ACO2: variants seen among roughly 807,000 people sequenced by gnomAD.
ACO2 encodes the protein aconitase 2, also known as aconitate hydratase, mitochondrial.
In ACO2, 31 loss-of-function variants were observed where a neutral mutation model predicts 84.5. The ratio of observed to expected loss-of-function variants is 0.37; its 90% CI spans 0.28 to 0.50. The LOEUF is 0.50. Among genes scored for constraint, ACO2 ranks in the 20% least tolerant of loss-of-function variants. The pLI, the probability that ACO2 is intolerant of heterozygous loss-of-function variation, is 0.97. For missense variants in ACO2, 685 were observed against 1,029.3 expected, an observed-to-expected ratio of 0.67 and a Z score of 4.58; for synonymous variants, 414 against 412.7, an observed-to-expected ratio of 1.00 and a Z score of -0.04.
rs1849901294 is a variant in ACO2 at position 41,471,813 on chromosome 22, A to C, written c.36+2631A>C. Among the ~76,000 whole-genome samples, 7 of 152,282 alleles carry C rather than the reference A, an allele frequency of 4.6e-5. 1 individual carries two copies. In the South Asian group the frequency reaches 1.5e-3, roughly 32 times the overall value. ...CTATTAGCCTGATTTATAGATGAAG[A>C]AACAGGATTAGAGAGCAAACATAGT... is the stretch of plus-strand genomic sequence containing the variant. On this transcript the variant is annotated intron_variant, in intron 1 of 17. Transcript: ENST00000216254.
At chr22:41,470,528 C>CTTTTTTTTTTTTTTTTTTTTTTTTTTTTT (rs71184811) in intron 1 of ACO2, among the ~76,000 whole-genome samples, 1 of 95,858 alleles carries the variant, frequency 1.0e-5, no homozygotes, top group Admixed American at 1.3e-4. Context: ...CTCTTTACAT[C>CTTTTTTTTTTTTTTTTTTTTTTTTTTTTT]TTTTTTTTTT....
At position 41,515,339 on chromosome 22, in the gene ACO2, G is replaced by C. The variant is rs749319369; in HGVS notation, c.526-38G>C. 6.2e-7 allele frequency: 1 copy of C among 1,611,642 alleles called. No homozygotes were observed. Among genetic ancestry groups the C allele is most frequent in the Non-Finnish European group, 8.5e-7 (1 of 1,179,668 alleles). ...GGGCCATTTTTTGGTATTCTCGGCTGAGGGCTTCTAAATATAACATCTTGG... is the reference window on the plus strand; with the variant it reads ...GGGCCATTTTTTGGTATTCTCGGCTCAGGGCTTCTAAATATAACATCTTGG... On this transcript the variant is annotated intron_variant, in intron 4 of 17. Coordinates refer to ENST00000216254, the MANE Select transcript of ACO2 (RefSeq NM_001098.3). This position sits in a 1 kb window ranked among gnomAD's most constrained non-coding sequence, Gnocchi z 5.8.
chr22:41,480,204 G>A, intron 1 of ACO2, among the ~76,000 whole-genome samples: 1 of 152,230 alleles, frequency 6.6e-6, no homozygotes, highest in East Asian at 1.9e-4. Context: ...GTGCATTCCT[G>A]TGTTGCCCAC....
intron 4 of ACO2, among the ~76,000 whole-genome samples, chr22:41,514,437 G>A (rs1207193142): frequency 6.6e-6 from 1 of 152,246 alleles, no homozygotes; most frequent in African/African-American, 2.4e-5. Context: ...ACGATTGTTA[G>A]CTATTTCTTG....
intron 1 of ACO2, among the ~76,000 whole-genome samples, chr22:41,497,212 G>A (rs927765836): frequency 6.6e-6 from 1 of 151,934 alleles, no homozygotes; most frequent in Non-Finnish European, 1.5e-5. Context: ...GGGATTATAG[G>A]TGCCCGCCAC....
rs938453037 is a variant in ACO2, at chr22:41,515,133, T to C, written c.526-244T>C. Among the ~76,000 whole-genome samples the C allele has an allele frequency of 3.9e-5, 6 of 152,304 alleles. 1 individual carries two copies. The highest frequency in any genetic ancestry group is 7.4e-5 in the Non-Finnish European group (5 of 68,020). On this transcript the variant is annotated intron_variant, in intron 4 of 17. Transcript: ENST00000216254. The surrounding 1 kb of genome is among the most constrained non-coding windows in gnomAD (Gnocchi z 5.8). ...GAGGAAACTGAGGCATGGGGCAGCA[T>C]TCAAAGGCCCAAGACATATAGCAGG...
chr22:41,522,688 C>A, intron 9 of ACO2, 142 bp from the exon 10 acceptor site: 1 of 866,264 alleles, frequency 1.2e-6, no homozygotes, highest in Non-Finnish European at 1.7e-6. Context: ...CGGTTGCTTG[C>A]AACTGGTCTC....
In ACO2 at chr22:41,507,944, G is replaced by A. The variant is rs377384540; in HGVS notation, c.327G>A (p.Gln109=). 8.1e-6 allele frequency: 13 copies of A among 1,614,130 alleles called. No homozygotes were observed. Among genetic ancestry groups the A allele is most frequent in the African/African-American group, 1.3e-5 (1 of 74,950 alleles). The change falls in exon 3 of 18, where the codon CAG becomes CAA. Residue 109 remains glutamine (Q), a synonymous_variant. Coordinates refer to ENST00000216254, the MANE Select transcript of ACO2 (RefSeq NM_001098.3). ...QDATAQMAML[Q]FISSGLSKVA... Reference sequence around the variant, plus strand: ...CGACGGCCCAGATGGCCATGCTCCAGTTCATCAGCAGCGGGCTGTCCAAGG... The same window carrying A: ...CGACGGCCCAGATGGCCATGCTCCAATTCATCAGCAGCGGGCTGTCCAAGG...
chr22:41,526,418 T>G lies in ACO2; in HGVS notation c.1918T>G (p.Phe640Val). 6.2e-7 allele frequency: 1 copy of G among 1,613,604 alleles called. No homozygotes were observed. Among genetic ancestry groups the G allele is most frequent in the Non-Finnish European group, 8.5e-7 (1 of 1,179,848 alleles). ...NSVRNAVTQE[F>V]GPVPDTARYY... The stretch of plus-strand genomic sequence containing the variant: ...CGTGCGCAATGCCGTCACTCAGGAG[T>G]TTGGCCCCGTCCCTGACACTGCCCG... Residue 640 changes from phenylalanine (F) to valine (V), a missense_variant, in exon 15 of 18, where the codon TTT becomes GTT. This residue lies in a region of ACO2 where 174 missense variants were observed against 236.6 expected (regional missense o/e 0.74). Transcript: ENST00000216254.
At chr22:41,484,810 T>C (rs1004039784) in intron 1 of ACO2, among the ~76,000 whole-genome samples, 1 of 151,932 alleles carries the variant, frequency 6.6e-6, no homozygotes, top group African/African-American at 2.4e-5. Context: ...GTGAGGAAAT[T>C]GGGGTGAAAT....
chr22:41,509,208 T>A (rs2066416463), intron 3 of ACO2, among the ~76,000 whole-genome samples: 1 of 152,316 alleles, frequency 6.6e-6, no homozygotes, highest in East Asian at 1.9e-4. Context: ...TGCTACCTTC[T>A]GGGGCTGGCT....
chr22:41,518,424 AC>A, intron 7 of ACO2, 56 bp from the exon 8 acceptor site: 1 of 1,373,320 alleles, frequency 7.3e-7, no homozygotes, highest in East Asian at 2.3e-5. Flanking sequence ...TGGTGAGTGA[AC>A]TCTCAAGAAC....
chr22:41,476,348 A>G (rs1394474654), intron 1 of ACO2, among the ~76,000 whole-genome samples: 2 of 150,870 alleles, frequency 1.3e-5, no homozygotes, highest in African/African-American at 4.9e-5. Flanking sequence ...CGGAGGTTGT[A>G]CTGAGTTAAG....
chr22:41,528,249 C>A, intron 17 of ACO2: 2 of 835,044 alleles, frequency 2.4e-6, no homozygotes, highest in Non-Finnish European at 1.8e-6. Flanking sequence ...CTCACCAGGA[C>A]CTGGCACTCA....
intron 1 of ACO2, among the ~76,000 whole-genome samples, chr22:41,472,639 G>C (rs2037959992): frequency 6.6e-6 from 1 of 152,078 alleles, no homozygotes; most frequent in Non-Finnish European, 1.5e-5. Context: ...TTAAAGAAAT[G>C]GGGGTCTCGC....
rs1601916701 is a variant in ACO2, at chr22:41,515,287, A to G, written c.526-90A>G. 4.5e-5 allele frequency: 66 copies of G among 1,464,088 alleles called. No individual in the cohort carries two copies. The highest frequency in any genetic ancestry group is 9.5e-7 in the Non-Finnish European group (1 of 1,049,970). 90.7% of individuals were successfully genotyped at this position (1,464,088 alleles called of 1,614,324 possible). On this transcript the variant is annotated intron_variant, in intron 4 of 17. Transcript: ENST00000216254. The surrounding 1 kb of genome is among the most constrained non-coding windows in gnomAD (Gnocchi z 5.8). ...AGTTCCATCCTGGGAGAGTGGCTGG[A>G]CGTGGTTGGGAGGCCCCGGGTCAGT... is the stretch of plus-strand genomic sequence containing the variant.
intron 4 of ACO2, among the ~76,000 whole-genome samples, chr22:41,512,586 C>T (rs539084860): frequency 8.5e-5 from 13 of 152,290 alleles, no homozygotes; most frequent in African/African-American, 3.1e-4. Context: ...CCGCCTCCCT[C>T]GCCCCCAGAG....
chr22:41,514,449 T>C (rs543592008), intron 4 of ACO2, among the ~76,000 whole-genome samples: 1 of 152,360 alleles, frequency 6.6e-6, no homozygotes, highest in African/African-American at 2.4e-5. Flanking sequence ...TATTTCTTGA[T>C]AGGGAAACTG....
chr22:41,525,264 C>T lies in ACO2; in HGVS notation c.1677C>T (p.Ser559=). 2 of 1,614,044 alleles carry T rather than the reference C, an allele frequency of 1.2e-6. No homozygotes were observed. The highest frequency in any genetic ancestry group is 1.7e-6 in the Non-Finnish European group (2 of 1,179,986). The part of the protein sequence containing the change: ...KDSSGQHVDV[S]PTSQRLQLLE... ...GCAGCGGGCAGCATGTGGACGTGAG[C>T]CCCACCAGCCAGCGCCTGCAGCTCC... Residue 559 remains serine, a synonymous_variant, in exon 14 of 18, where the codon AGC becomes AGT. Transcript: ENST00000216254.
Sources: gnomAD v4.1 joint callset for allele counts (sites outside exome capture counted in the v4.1 genomes callset) on GRCh38, gnomAD v4.1.1 for gene constraint, gnomAD v4.1.1 regional missense constraint, Gnocchi (gnomAD v3.1) non-coding constraint, MANE v1.5 for transcripts, NCBI Gene and HGNC (gene_info 2026-07-23, HGNC 2026-07-21) for gene names.